Variants in MCM9 observed in about 807,000 individuals in gnomAD.
The protein encoded by MCM9 is DNA helicase MCM9.
A neutral mutation model predicts 72.8 loss-of-function variants in MCM9; 55 were observed. The ratio of observed to expected loss-of-function variants is 0.76; its 90% CI spans 0.61 to 0.95. The LOEUF (loss-of-function observed/expected upper bound fraction) is 0.95. Among genes scored for constraint, MCM9 ranks in the 40% least tolerant of loss-of-function variants. MCM9 has a pLI of 0.00. For synonymous variants in MCM9, 480 were observed against 503.4 expected (o/e 0.95, Z 0.62); for missense variants, 1,279 against 1,377.0 (o/e 0.93, Z 1.13).
intron 8 of MCM9, among the ~76,000 whole-genome samples, chr6:118,903,905 A>G (rs1779987235): frequency 6.6e-6 from 1 of 152,216 alleles, no homozygotes; most frequent in African/African-American, 2.4e-5. Flanking sequence ...GATTATCACC[A>G]CGTTTTAAAG....
chr6:118,925,720 A>C (rs756897064), intron 3 of MCM9, among the ~76,000 whole-genome samples: 4 of 152,144 alleles, frequency 2.6e-5, no homozygotes, highest in Non-Finnish European at 4.4e-5. Context: ...TTCAGATTGC[A>C]TCACATTTTG....
chr6:118,851,219 T>C (rs995235249), intron 9 of MCM9, among the ~76,000 whole-genome samples: 2 of 151,864 alleles, frequency 1.3e-5, no homozygotes, highest in African/African-American at 4.9e-5. Context: ...CAGCTACTAG[T>C]AGATGCCAGT....
At chr6:118,848,145 C>A (rs190997641) in intron 9 of MCM9, among the ~76,000 whole-genome samples, 87 of 151,714 alleles carry the variant, frequency 5.7e-4, no homozygotes, top group Non-Finnish European at 1.1e-3. Flanking sequence ...TAGACCAAAG[C>A]AAAAGAAAGC....
chr6:118,927,159 T>C (rs547252518), intron 3 of MCM9, among the ~76,000 whole-genome samples: 49 of 152,354 alleles, frequency 3.2e-4, no homozygotes, highest in African/African-American at 1.1e-3. Context: ...AAATTGATTG[T>C]TCAGTTTAAA....
Position 118,880,193 on chromosome 6 carries a change from C to T in MCM9, c.1151-23648G>A, listed in dbSNP as rs546087603. Among the ~76,000 whole-genome samples, 95 of 151,654 alleles carry T rather than the reference C, an allele frequency of 6.3e-4. 3 individuals carry two copies. The South Asian group carries it at 0.018, about 28-fold the overall frequency. On this transcript the variant is annotated intron_variant, in intron 8 of 13. Transcript: ENST00000619706. ...AATTAAAAAAAAAAATACAGGGAATCGAAATTTTTATATCCTCTGAAAACT... is the reference window on the plus strand; with the variant it reads ...AATTAAAAAAAAAAATACAGGGAATTGAAATTTTTATATCCTCTGAAAACT...
At chr6:118,836,460 GA>G (rs1487374635) in intron 9 of MCM9, among the ~76,000 whole-genome samples, 10 of 152,218 alleles carry the variant, frequency 6.6e-5, no homozygotes, top group African/African-American at 2.4e-4. Flanking sequence ...ATCTGGCTGT[GA>G]ATCCGCCTGG....
At chr6:118,846,414 C>T (rs1233026234) in intron 9 of MCM9, among the ~76,000 whole-genome samples, 3 of 151,830 alleles carry the variant, frequency 2.0e-5, no homozygotes, top group African/African-American at 7.3e-5. Flanking sequence ...ATGGGGGCCT[C>T]ATGCTGGAGA....
chr6:118,929,316 G>T (rs1268021110), intron 3 of MCM9, among the ~76,000 whole-genome samples: 1 of 152,132 alleles, frequency 6.6e-6, no homozygotes, highest in Non-Finnish European at 1.5e-5. Flanking sequence ...ACATACACAT[G>T]TATCTGTAGG....
intron 9 of MCM9, among the ~76,000 whole-genome samples, chr6:118,837,796 A>G (rs367975081): frequency 3.9e-5 from 6 of 152,038 alleles, no homozygotes; most frequent in Middle Eastern, 3.2e-3. Flanking sequence ...ACACTGATGG[A>G]TCTTGACTCT....
At chr6:118,879,132 CAT>C (rs1382978441) in intron 8 of MCM9, among the ~76,000 whole-genome samples, 1 of 151,604 alleles carries the variant, frequency 6.6e-6, no homozygotes, top group Non-Finnish European at 1.5e-5. Flanking sequence ...AGACATAAGA[CAT>C]GTAGAAAACA....
chr6:118,815,450 C>T lies in MCM9; in HGVS notation c.2806G>A (p.Glu936Lys), dbSNP rs769683239. The T allele has an allele frequency of 2.6e-6, 4 of 1,550,318 alleles. No homozygotes were observed. The highest frequency in any genetic ancestry group is 3.5e-6 in the Non-Finnish European group (4 of 1,146,928). Residue 936 changes from glutamate to lysine, a missense_variant, in exon 14 of 14, where the codon GAA becomes AAA. Glu to Lys is a moderately conservative substitution (Grantham distance 56). Transcript: ENST00000619706. ...CCAGGTGACACATGGCTGTGATCTT[C>T]AAAGGAGTGGATCAGTTTTGACTTC... is the stretch of plus-strand genomic sequence containing the variant. ...KQKSKLIHSF[E>K]DHSHVSPGAT...
At position 118,814,836 on chromosome 6, in the gene MCM9, T is replaced by C. The variant is rs573330646; in HGVS notation, c.3420A>G (p.Arg1140=). ...AAGCTTTTCCCAACTATGACTTTTT[T>C]CTCATCTCTTCATCCCAGTCACAAT... ...AFDCDWDEEM[R]KKS Residue 1140 remains arginine, a synonymous_variant, in exon 14 of 14, where the codon AGA becomes AGG. Transcript: ENST00000619706. The C allele has an allele frequency of 6.7e-7, 1 of 1,497,644 alleles. No individual in the cohort carries two copies. Among genetic ancestry groups the C allele is most frequent in the South Asian group, 1.3e-5 (1 of 75,660 alleles). The allele number at this position is 1,497,644 out of a possible 1,614,324, so 92.8% of individuals were successfully genotyped here.
chr6:118,863,272 G>A (rs1777013207), intron 8 of MCM9, among the ~76,000 whole-genome samples: 1 of 152,112 alleles, frequency 6.6e-6, no homozygotes, highest in Admixed American at 6.6e-5. Context: ...GTCATTACGA[G>A]GTACTTACAC....
chr6:118,887,551 A>G (rs1778675570), intron 8 of MCM9, among the ~76,000 whole-genome samples: 1 of 152,228 alleles, frequency 6.6e-6, no homozygotes, highest in Admixed American at 6.5e-5. Flanking sequence ...GTAAATCCTC[A>G]TGACGCTGGA....
At chr6:118,894,518 T>C (rs1779206713) in intron 8 of MCM9, 1 of 1,536,796 alleles carries the variant, frequency 6.5e-7, no homozygotes, top group Non-Finnish European at 8.7e-7. Context: ...AGGACCTGTC[T>C]GAAGGTGAGT....
At chr6:118,928,326 G>A (rs1447312473) in intron 3 of MCM9, among the ~76,000 whole-genome samples, 1 of 152,024 alleles carries the variant, frequency 6.6e-6, no homozygotes, top group Non-Finnish European at 1.5e-5. Flanking sequence ...CAGGAGAATC[G>A]CTTGAACCTG....
chr6:118,871,408 C>T (rs1038507944), intron 8 of MCM9, among the ~76,000 whole-genome samples: 6 of 152,112 alleles, frequency 3.9e-5, no homozygotes, highest in African/African-American at 1.4e-4. Context: ...GTACAAAAAA[C>T]ATTTGACAAA....
chr6:118,843,644 A>ATATATATATATATATATATATACGTG, intron 9 of MCM9, among the ~76,000 whole-genome samples: 2 of 44,008 alleles, frequency 4.5e-5, no homozygotes, highest in Non-Finnish European at 8.2e-5. Flanking sequence ...AACAAAACAT[A>ATATATATATATATATATATATACGTG]TATATATATA....
chr6:118,835,055 T>G (rs2114584870), intron 9 of MCM9, among the ~76,000 whole-genome samples: 1 of 152,274 alleles, frequency 6.6e-6, no homozygotes, highest in East Asian at 1.9e-4. Context: ...CCAGTATCAG[T>G]TTTCTGCATA....
Sources: gnomAD v4.1 joint callset for allele counts (sites outside exome capture counted in the v4.1 genomes callset) on GRCh38, gnomAD v4.1.1 for gene constraint, MANE v1.5 for transcripts, NCBI Gene and HGNC (gene_info 2026-07-23, HGNC 2026-07-21) for gene names.